Variants in TNFRSF1B observed in about 807,000 individuals in gnomAD.
The protein encoded by TNFRSF1B is tumor necrosis factor receptor superfamily member 1B.
TNFRSF1B carries 19 observed loss-of-function variants against 44.6 expected under a neutral mutation model. That is an observed-to-expected ratio of 0.43 (90% CI 0.30 to 0.62). The LOEUF is 0.62. TNFRSF1B is among the 20% of genes least tolerant of loss of function. The pLI is 0.16. For synonymous variants in TNFRSF1B, 252 were observed against 261.1 expected, an observed-to-expected ratio of 0.97 and a Z score of 0.34; for missense variants, 541 against 619.9, an observed-to-expected ratio of 0.87 and a Z score of 1.35.
In TNFRSF1B at chr1:12,168,730, C is replaced by T. The variant is rs920070960; in HGVS notation, c.78+1561C>T. Among the ~76,000 whole-genome samples, 1 of 152,166 alleles carries T rather than the reference C, an allele frequency of 6.6e-6. No individual in the cohort carries two copies. The highest frequency in any genetic ancestry group is 2.4e-5 in the African/African-American group (1 of 41,434). On this transcript the variant is annotated intron_variant, in intron 1 of 9. Transcript: ENST00000376259. This position sits in a 1 kb window ranked among gnomAD's most constrained non-coding sequence, Gnocchi z 4.7. Reference sequence around the variant, plus strand: ...GCTCCTGCGGCAGCTCATATTCCCTCCTCCCTCATCCCTGCTCCCCACGAC... The same window carrying T: ...GCTCCTGCGGCAGCTCATATTCCCTTCTCCCTCATCCCTGCTCCCCACGAC...
Position 12,206,878 on chromosome 1 carries a change from C to T in TNFRSF1B, c.1244C>T (p.Ser415Phe), listed in dbSNP as rs1366207970. ...MGDTDSSPSE[S>F]PKDEQVPFSK... is the part of the protein sequence containing the mutation. ...GACACAGATTCCAGCCCCTCGGAGT[C>T]CCCGAAGGACGAGCAGGTCCCCTTC... The change falls in exon 10 of 10, where the codon TCC becomes TTC. Residue 415 changes from serine (S) to phenylalanine (F), a missense_variant. Ser to Phe is a radical substitution (Grantham distance 155). Transcript: ENST00000376259. The T allele has an allele frequency of 4.3e-6, 7 of 1,614,224 alleles. No individual in the cohort carries two copies. The highest frequency in any genetic ancestry group is 3.4e-6 in the Non-Finnish European group (4 of 1,180,026).
chr1:12,195,016 A>C (rs1446277131), intron 8 of TNFRSF1B, among the ~76,000 whole-genome samples: 1 of 152,222 alleles, frequency 6.6e-6, no homozygotes, highest in Non-Finnish European at 1.5e-5. Flanking sequence ...CATTGTGTTT[A>C]CAGAGCACTT....
At position 12,186,948 on chromosome 1, in the gene TNFRSF1B, G is replaced by A. The variant is rs909117070; in HGVS notation, c.79-1848G>A. ...AATTAATGCTTGTCCCTGAAAGCCC[G>A]GACTGCCAACCCCAGTCTTTCAGGA... is the stretch of plus-strand genomic sequence containing the variant. On this transcript the variant is annotated intron_variant, in intron 1 of 9. Transcript: ENST00000376259. The surrounding 1 kb of genome is among the most constrained non-coding windows in gnomAD (Gnocchi z 4.8). Among the ~76,000 whole-genome samples, 1 of 152,140 alleles carries A rather than the reference G, an allele frequency of 6.6e-6. No individual in the cohort carries two copies. Among genetic ancestry groups the A allele is most frequent in the African/African-American group, 2.4e-5 (1 of 41,406 alleles).
At position 12,193,918 on chromosome 1, in the gene TNFRSF1B, T is replaced by G. The variant is rs570659072; in HGVS notation, c.788-37T>G. 3 of 1,589,240 alleles carry G rather than the reference T, an allele frequency of 1.9e-6. No homozygotes were observed. In the African/African-American group the frequency reaches 4.0e-5, roughly 21 times the overall value. ...CTGGCCCCTGGTACATTTGAGTTTG[T>G]TTTCTGTAGCTGTCTGAGCTTCTCT... On this transcript the variant is annotated intron_variant, in intron 6 of 9. Transcript: ENST00000376259.
At chr1:12,198,115 C>T (rs1260456130) in intron 8 of TNFRSF1B, among the ~76,000 whole-genome samples, 1 of 122,086 alleles carries the variant, frequency 8.2e-6, no homozygotes, top group African/African-American at 3.3e-5. Context: ...GAGCGAGACT[C>T]CATCTCAAAA....
At position 12,207,567 on chromosome 1, in the gene TNFRSF1B, C is replaced by A. The variant is rs1639535619; in HGVS notation, c.*547C>A. On this transcript the variant is annotated 3_prime_UTR_variant, in exon 10 of 10. Coordinates refer to ENST00000376259, the MANE Select transcript of TNFRSF1B (RefSeq NM_001066.3). ...GGGGCTCTGTGCAGGGAGGAGGTGG[C>A]AGCCCTGTAGGGAACGGGGTCCTTC... 6.5e-6 allele frequency: 1 copy of A among 153,476 alleles called. No individual in the cohort carries two copies. Among genetic ancestry groups the A allele is most frequent in the Non-Finnish European group, 1.4e-5 (1 of 69,078 alleles). The allele number at this position is 153,476 out of a possible 1,614,324, so 9.5% of individuals were successfully genotyped here. A position where few individuals can be genotyped will look rare whatever the true frequency, so the allele number is the denominator to read the frequency against.
At chr1:12,170,456 C>A (rs1022363299) in intron 1 of TNFRSF1B, among the ~76,000 whole-genome samples, 1 of 152,244 alleles carries the variant, frequency 6.6e-6, no homozygotes, top group Non-Finnish European at 1.5e-5. Flanking sequence ...ACCTGCCGGG[C>A]ATTCTTACGT....
intron 1 of TNFRSF1B, among the ~76,000 whole-genome samples, chr1:12,175,308 G>A (rs1178982133): frequency 6.6e-6 from 1 of 152,226 alleles, no homozygotes; most frequent in Non-Finnish European, 1.5e-5. Flanking sequence ...GGCCCCAGCT[G>A]TCACTTGAGA....
chr1:12,167,604 G>T, intron 1 of TNFRSF1B: 1 of 268,116 alleles, frequency 3.7e-6, no homozygotes, highest in Non-Finnish European at 7.4e-6. Context: ...CACTGCCCAC[G>T]CCGGGCACCC....
At chr1:12,181,434 A>G (rs1180092899) in intron 1 of TNFRSF1B, among the ~76,000 whole-genome samples, 5 of 152,092 alleles carry the variant, frequency 3.3e-5, no homozygotes, top group African/African-American at 1.2e-4. Context: ...TCCTCACAAG[A>G]ACCCCTGGAG....
intron 1 of TNFRSF1B, among the ~76,000 whole-genome samples, chr1:12,172,640 C>T (rs1226423316): frequency 2.0e-5 from 3 of 152,220 alleles, no homozygotes; most frequent in African/African-American, 7.2e-5. Flanking sequence ...TGCCCATCAT[C>T]TCAGAAAGCA....
rs775569078 is a variant in TNFRSF1B at position 12,201,731 on chromosome 1, CAT to C, written c.901-234_901-233del. ...AACAGGGCCAGGTATTCTCTGCCCT[CAT>C]AGGACACTCTAGTAGAGCAGCTGGG... is the stretch of plus-strand genomic sequence containing the variant. On this transcript the variant is annotated intron_variant, in intron 8 of 9. Transcript: ENST00000376259. Among the ~76,000 whole-genome samples, 633 of 152,296 alleles carry C rather than the reference CAT, an allele frequency of 4.2e-3. 12 individuals carry two copies. Among genetic ancestry groups the C allele is most frequent in the Non-Finnish European group, 2.7e-3 (185 of 68,014 alleles).
chr1:12,170,064 C>T (rs1638486928), intron 1 of TNFRSF1B, among the ~76,000 whole-genome samples: 1 of 152,208 alleles, frequency 6.6e-6, no homozygotes, highest in Non-Finnish European at 1.5e-5. Flanking sequence ...TCTCTTTGCC[C>T]TCTGTCTGAA....
chr1:12,198,426 C>T (rs901082499), intron 8 of TNFRSF1B, among the ~76,000 whole-genome samples: 2 of 152,162 alleles, frequency 1.3e-5, no homozygotes, highest in Admixed American at 6.5e-5. Flanking sequence ...TGTCTCTCCT[C>T]GCCACCCCAG....
intron 9 of TNFRSF1B, among the ~76,000 whole-genome samples, chr1:12,204,512 C>G (rs1408620530): frequency 6.6e-6 from 1 of 152,136 alleles, no homozygotes; most frequent in African/African-American, 2.4e-5. Flanking sequence ...ACTCAGCAGG[C>G]CCCTGCAGCA....
At chr1:12,192,614 C>A in intron 5 of TNFRSF1B, 90 bp downstream of exon 5, 1 of 1,287,408 alleles carries the variant, frequency 7.8e-7, no homozygotes, top group Non-Finnish European at 1.1e-6. Context: ...GCTCACCAAC[C>A]ACCATTGTCC....
intron 8 of TNFRSF1B, among the ~76,000 whole-genome samples, chr1:12,201,617 C>A (rs1425386989): frequency 1.3e-5 from 2 of 152,080 alleles, no homozygotes; most frequent in African/African-American, 2.4e-5. Context: ...TCTCCCTGTG[C>A]AGATGGGGTG....
At chr1:12,197,428 T>C (rs558529211) in intron 8 of TNFRSF1B, among the ~76,000 whole-genome samples, 1 of 152,310 alleles carries the variant, frequency 6.6e-6, no homozygotes, top group South Asian at 2.1e-4. Flanking sequence ...AAGACCTTCC[T>C]GAATATGGAG....
At chr1:12,191,177 G>T in intron 3 of TNFRSF1B, 92 bp downstream of exon 3, 3 of 1,527,512 alleles carry the variant, frequency 2.0e-6, no homozygotes, top group Non-Finnish European at 1.8e-6. Context: ...GCTGTCTGGA[G>T]TTACCCCAGG....
Sources: allele counts gnomAD v4.1 joint callset (sites outside exome capture counted in the v4.1 genomes callset), GRCh38; gene constraint gnomAD v4.1.1; non-coding constraint Gnocchi (gnomAD v3.1); transcripts MANE v1.5; gene names NCBI Gene and HGNC (gene_info 2026-07-23, HGNC 2026-07-21).